Variants in SOX5 observed in about 807,000 individuals in gnomAD.
SOX5 encodes the protein SRY-box transcription factor 5.
In SOX5, 9 loss-of-function variants were observed where a neutral mutation model predicts 92.0. The observed-to-expected ratio is 0.10, with a 90% CI of 0.06 to 0.17. SOX5 has a LOEUF of 0.17. SOX5 is among the 10% of genes least tolerant of loss of function. SOX5 has a pLI of 1.00. For synonymous variants in SOX5, 344 were observed against 336.3 expected (o/e 1.02, Z -0.25); for missense variants, 642 against 944.5 (o/e 0.68, Z 4.20).
chr12:24,380,966 A>G lies in SOX5; in HGVS notation c.-250-12327T>C, dbSNP rs1040578966. On this transcript the variant is annotated intron_variant, in intron 1 of 4. Coordinates refer to the SOX5 transcript ENST00000446891. ...AACAAATAAAATTTCCAAGGGGGGCATCTATAGGGCAAGATGCAACAAATT... is the reference window on the plus strand; with the variant it reads ...AACAAATAAAATTTCCAAGGGGGGCGTCTATAGGGCAAGATGCAACAAATT... Among the ~76,000 whole-genome samples, 7 of 152,364 alleles carry G rather than the reference A, an allele frequency of 4.6e-5. No homozygotes were observed. The South Asian group carries it at 1.2e-3, about 27-fold the overall frequency.
At chr12:23,790,915 A>G (rs1180436350) in intron 3 of SOX5, among the ~76,000 whole-genome samples, 1 of 152,194 alleles carries the variant, frequency 6.6e-6, no homozygotes, top group Non-Finnish European at 1.5e-5. Context: ...AACTGAGAAA[A>G]TGTTGCCTAC....
chr12:23,989,436 T>C (rs1005193620), intron 4 of SOX5, among the ~76,000 whole-genome samples: 2 of 151,986 alleles, frequency 1.3e-5, no homozygotes, highest in Non-Finnish European at 2.9e-5. Flanking sequence ...ACTTTTAGTA[T>C]GATTGACTGT....
chr12:23,584,597 C>G (rs1484788005), intron 9 of SOX5: 4 of 1,607,412 alleles, frequency 2.5e-6, no homozygotes, highest in Non-Finnish European at 3.4e-6. Flanking sequence ...GGTGAACCCA[C>G]TATAACTGAC....
chr12:23,608,535 G>C (rs1453192322), intron 8 of SOX5, among the ~76,000 whole-genome samples: 1 of 151,862 alleles, frequency 6.6e-6, no homozygotes, highest in South Asian at 2.1e-4. Flanking sequence ...CTAGATTTTT[G>C]TCTCTTCAAC....
intron 3 of SOX5, among the ~76,000 whole-genome samples, chr12:24,225,818 C>A (rs974551768): frequency 6.6e-6 from 1 of 152,134 alleles, no homozygotes; most frequent in Non-Finnish European, 1.5e-5. Flanking sequence ...ACATCACTGA[C>A]TCAAATTATA....
intron 1 of SOX5, among the ~76,000 whole-genome samples, chr12:24,520,965 T>TAAATAC (rs1298158976): frequency 2.0e-5 from 3 of 152,186 alleles, no homozygotes; most frequent in African/African-American, 7.2e-5. Flanking sequence ...ATTATAAATA[T>TAAATAC]AAATACACCT....
intron 4 of SOX5, among the ~76,000 whole-genome samples, chr12:24,179,795 T>C (rs1214949889): frequency 2.0e-5 from 3 of 152,128 alleles, no homozygotes; most frequent in Non-Finnish European, 4.4e-5. Flanking sequence ...TCCTGACATT[T>C]TCCACTTAGG....
chr12:23,609,976 T>C (rs2075758292), intron 8 of SOX5, among the ~76,000 whole-genome samples: 1 of 152,124 alleles, frequency 6.6e-6, no homozygotes, highest in African/African-American at 2.4e-5. Context: ...TGCTCATCTC[T>C]AATGGCCCAC....
At chr12:24,341,637 G>A (rs544821221) in intron 2 of SOX5, among the ~76,000 whole-genome samples, 1 of 152,304 alleles carries the variant, frequency 6.6e-6, no homozygotes, top group Non-Finnish European at 1.5e-5. Context: ...GTCAAATCCT[G>A]CAAATAACAT....
intron 4 of SOX5, among the ~76,000 whole-genome samples, chr12:24,064,676 T>A: frequency 6.6e-6 from 1 of 152,250 alleles, no homozygotes. Context: ...TTCAATATGG[T>A]GCTGGAACTT....
At chr12:24,333,502 T>C (rs779286488) in intron 2 of SOX5, among the ~76,000 whole-genome samples, 5 of 152,020 alleles carry the variant, frequency 3.3e-5, no homozygotes, top group Non-Finnish European at 5.9e-5. Context: ...GACTAGTGTA[T>C]ATATTATTTT....
intron 2 of SOX5, among the ~76,000 whole-genome samples, chr12:23,870,820 GT>G (rs2096864505): frequency 6.6e-6 from 1 of 151,992 alleles, no homozygotes; most frequent in African/African-American, 2.4e-5. Flanking sequence ...GATCGTTCAA[GT>G]TTTTTTCACT....
intron 2 of SOX5, among the ~76,000 whole-genome samples, chr12:24,312,732 A>T (rs1366712105): frequency 6.6e-6 from 1 of 152,202 alleles, no homozygotes; most frequent in African/African-American, 2.4e-5. Context: ...TTTAATTATC[A>T]TCAAATAAAT....
intron 9 of SOX5, among the ~76,000 whole-genome samples, chr12:23,577,176 C>CACACATAT (rs1273547543): frequency 7.8e-5 from 6 of 76,968 alleles, no homozygotes; most frequent in African/African-American, 2.4e-4. Context: ...CACACACACA[C>CACACATAT]ATATATATAT....
intron 4 of SOX5, among the ~76,000 whole-genome samples, chr12:23,978,398 G>C (rs1287325018): frequency 6.6e-6 from 1 of 152,002 alleles, no homozygotes; most frequent in East Asian, 1.9e-4. Context: ...TAAAACTTTG[G>C]GGTTAATAAT....
chr12:23,535,081 T>C (rs1940036245), intron 14 of SOX5, among the ~76,000 whole-genome samples: 1 of 152,224 alleles, frequency 6.6e-6, no homozygotes, highest in Non-Finnish European at 1.5e-5. Context: ...TTATTCTTAA[T>C]CCTGTTTGTT....
intron 3 of SOX5, among the ~76,000 whole-genome samples, chr12:23,842,272 G>A (rs532279424): frequency 9.2e-5 from 14 of 152,032 alleles, no homozygotes; most frequent in Non-Finnish European, 2.1e-4. Context: ...GTGGTTAGTA[G>A]GAGCCATATT....
chr12:24,497,189 T>A lies in SOX5; in HGVS notation c.-251+65140A>T, dbSNP rs1264273391. On this transcript the variant is annotated intron_variant, in intron 1 of 4. Coordinates refer to the SOX5 transcript ENST00000446891. ...CATGAAGGAAAATTAATAAGATGTA[T>A]CTAGATTGTTACTGTTTACCAAATG... 1.1e-4 allele frequency among the ~76,000 whole-genome samples: 16 copies of A among 152,236 alleles called. No individual in the cohort carries two copies. The East Asian group carries it at 3.1e-3, about 29-fold the overall frequency.
chr12:24,274,814 C>A (rs918811137), intron 3 of SOX5, among the ~76,000 whole-genome samples: 5 of 151,970 alleles, frequency 3.3e-5, no homozygotes, highest in Non-Finnish European at 7.3e-5. Context: ...AAATCTTAAT[C>A]CAGAACTGCA....
Sources: allele counts gnomAD v4.1 joint callset (sites outside exome capture counted in the v4.1 genomes callset), GRCh38; gene constraint gnomAD v4.1.1; transcripts MANE v1.5; gene names NCBI Gene and HGNC (gene_info 2026-07-23, HGNC 2026-07-21).